PEX5L: variants seen among roughly 807,000 people sequenced by gnomAD.
PEX5L encodes peroxisomal biogenesis factor 5 like, also known as PEX5-related protein.
PEX5L carries 30 observed loss-of-function variants against 84.0 expected under a neutral mutation model. The observed-to-expected ratio is 0.36, with a 90% CI of 0.27 to 0.48. The LOEUF is 0.48. Ranked by LOEUF, PEX5L falls within the 20% of genes least tolerant of loss-of-function variation. The pLI is 0.99. For missense variants in PEX5L, 533 were observed against 754.6 expected (o/e 0.71, Z 3.44); for synonymous variants, 270 against 283.1 (o/e 0.95, Z 0.46).
At chr3:179,892,307 TTC>T (rs1757853642) in intron 3 of PEX5L, among the ~76,000 whole-genome samples, 5 of 152,290 alleles carry the variant, frequency 3.3e-5, no homozygotes, top group Admixed American at 6.5e-5. Flanking sequence ...CAGGATCCCA[TTC>T]AACTGGCACA....
At chr3:179,955,743 T>C (rs1257529138) in intron 2 of PEX5L, among the ~76,000 whole-genome samples, 1 of 152,184 alleles carries the variant, frequency 6.6e-6, no homozygotes, top group Non-Finnish European at 1.5e-5. Flanking sequence ...TTTGGGGCAG[T>C]TGAAAAACAT....
intron 1 of PEX5L, among the ~76,000 whole-genome samples, chr3:179,985,285 G>T (rs544599182): frequency 6.6e-6 from 1 of 152,294 alleles, no homozygotes; most frequent in African/African-American, 2.4e-5. Flanking sequence ...GGCCAGGGTA[G>T]CTTTGGCTTC....
intron 7 of PEX5L, among the ~76,000 whole-genome samples, chr3:179,868,651 TGA>T (rs1243419637): frequency 6.6e-6 from 1 of 152,174 alleles, no homozygotes; most frequent in African/African-American, 2.4e-5. Context: ...AAAGATTAAC[TGA>T]GAGTCTGACA....
chr3:179,907,772 C>T (rs778408587), intron 2 of PEX5L, among the ~76,000 whole-genome samples: 7 of 152,010 alleles, frequency 4.6e-5, no homozygotes, highest in Non-Finnish European at 8.8e-5. Context: ...GGAATTCACC[C>T]CCTTTATGAA....
At chr3:179,990,734 A>G (rs1253831208) in intron 1 of PEX5L, among the ~76,000 whole-genome samples, 1 of 152,142 alleles carries the variant, frequency 6.6e-6, no homozygotes, top group Admixed American at 6.5e-5. Context: ...GGTTGTTAGT[A>G]CCAATAATTC....
intron 14 of PEX5L, among the ~76,000 whole-genome samples, chr3:179,807,388 G>C (rs1447581056): frequency 6.6e-6 from 1 of 152,098 alleles, no homozygotes; most frequent in Non-Finnish European, 1.5e-5. Flanking sequence ...CTGATAACTT[G>C]TCCTAATCCA....
intron 14 of PEX5L, among the ~76,000 whole-genome samples, chr3:179,803,244 C>G (rs902104673): frequency 6.6e-6 from 1 of 152,082 alleles, no homozygotes; most frequent in Non-Finnish European, 1.5e-5. Context: ...TCCCACTAGA[C>G]TGTTTGTGTT....
At chr3:179,973,581 A>C in intron 1 of PEX5L, 6 of 982,232 alleles carry the variant, frequency 6.1e-6, no homozygotes, top group Non-Finnish European at 6.0e-6. Flanking sequence ...CAGCCTCCTC[A>C]TCATAAAAGC....
intron 1 of PEX5L, among the ~76,000 whole-genome samples, chr3:179,995,052 ATATG>A (rs905496592): frequency 2.0e-5 from 3 of 149,000 alleles, no homozygotes; most frequent in Non-Finnish European, 4.4e-5. Flanking sequence ...CTATATATAT[ATATG>A]TAGTTATATA....
chr3:179,800,355 G>A lies in PEX5L; in HGVS notation c.*1473C>T, dbSNP rs1718504715. On this transcript the variant is annotated 3_prime_UTR_variant, in exon 15 of 15. Coordinates refer to ENST00000467460, the MANE Select transcript of PEX5L (RefSeq NM_016559.3). The stretch of plus-strand genomic sequence containing the variant: ...CATAAATAAAAAGTTGTTAGGATTA[G>A]CTACTGTGGGGAAGGTTCTAGACGA... The A allele has an allele frequency of 6.6e-6, 1 of 152,176 alleles. No homozygotes were observed. The highest frequency in any genetic ancestry group is 1.5e-5 in the Non-Finnish European group (1 of 68,038). 9.4% of individuals were successfully genotyped at this position (152,176 alleles called of 1,614,324 possible).
chr3:179,921,874 T>A (rs1769545703), intron 2 of PEX5L: 1 of 152,244 alleles, frequency 6.6e-6, no homozygotes, highest in Non-Finnish European at 1.5e-5. Context: ...ATTTTTTGCC[T>A]CATTAAACTA....
In PEX5L at chr3:179,909,814, T is replaced by C. The variant is rs527514845; in HGVS notation, c.94-11568A>G. 1.2e-3 allele frequency among the ~76,000 whole-genome samples: 189 copies of C among 152,272 alleles called. 1 individual carries two copies. Among genetic ancestry groups the C allele is most frequent in the African/African-American group, 4.2e-3 (176 of 41,566 alleles). ...ACAGACATTCACAGAGGGAAGACCA[T>C]GTGAAGACACAGGGAGAAGACATCC... On this transcript the variant is annotated intron_variant, in intron 2 of 14. Transcript: ENST00000467460.
At chr3:179,842,880 T>A (rs903752557) in intron 8 of PEX5L, among the ~76,000 whole-genome samples, 3 of 152,062 alleles carry the variant, frequency 2.0e-5, no homozygotes, top group Non-Finnish European at 4.4e-5. Flanking sequence ...GGAAAGGGAC[T>A]TGTTAGGTAA....
chr3:180,024,592 T>G (rs1561079324), intron 1 of PEX5L, among the ~76,000 whole-genome samples: 2 of 148,144 alleles, frequency 1.4e-5, no homozygotes, highest in Admixed American at 6.7e-5. Flanking sequence ...TTCAGATAGG[T>G]GCACAAAATA....
intron 14 of PEX5L, among the ~76,000 whole-genome samples, chr3:179,802,922 T>C (rs1183968610): frequency 1.3e-5 from 2 of 152,076 alleles, no homozygotes; most frequent in African/African-American, 4.8e-5. Flanking sequence ...ATCAAAGGCA[T>C]TTAAAAACTT....
chr3:179,996,868 G>T (rs1008850246), intron 1 of PEX5L, among the ~76,000 whole-genome samples: 1 of 152,342 alleles, frequency 6.6e-6, no homozygotes, highest in Non-Finnish European at 1.5e-5. Flanking sequence ...GACTCATGTA[G>T]AGCTCTGTCA....
chr3:179,933,793 C>T (rs960271532), intron 2 of PEX5L, among the ~76,000 whole-genome samples: 4 of 152,210 alleles, frequency 2.6e-5, no homozygotes, highest in Non-Finnish European at 5.9e-5. Flanking sequence ...AGAGCCTCAC[C>T]CTCAGATATT....
At chr3:179,964,093 T>C (rs1782746875) in intron 2 of PEX5L, among the ~76,000 whole-genome samples, 1 of 152,106 alleles carries the variant, frequency 6.6e-6, no homozygotes, top group Admixed American at 6.6e-5. Context: ...GTGAATAAAC[T>C]TAATAATCAG....
chr3:179,986,847 T>C (rs1247297490), intron 1 of PEX5L, among the ~76,000 whole-genome samples: 1 of 152,216 alleles, frequency 6.6e-6, no homozygotes, highest in African/African-American at 2.4e-5. Context: ...TTCCATTTCA[T>C]TGAAAGTTCG....
Sources: gnomAD v4.1 joint callset for allele counts (sites outside exome capture counted in the v4.1 genomes callset) on GRCh38, gnomAD v4.1.1 for gene constraint, MANE v1.5 for transcripts, NCBI Gene and HGNC (gene_info 2026-07-23, HGNC 2026-07-21) for gene names.